HNF1A: variants seen among roughly 807,000 people sequenced by gnomAD.
HNF1A encodes the protein hepatocyte nuclear factor 1-alpha.
HNF1A carries 21 observed loss-of-function variants against 62.2 expected under a neutral mutation model. The ratio of observed to expected loss-of-function variants is 0.34; its 90% confidence interval spans 0.24 to 0.49. The LOEUF is 0.49. Ranked by LOEUF, HNF1A falls within the 20% of genes least tolerant of loss-of-function variation. HNF1A has a pLI of 0.99. For synonymous variants in HNF1A, 374 were observed against 366.8 expected (o/e 1.02, Z -0.22); for missense variants, 687 against 832.3 (o/e 0.83, Z 2.15).
At chr12:120,999,021 T>C (rs1349326245) in intron 7 of HNF1A, among the ~76,000 whole-genome samples, 1 of 152,230 alleles carries the variant, frequency 6.6e-6, no homozygotes, top group Non-Finnish European at 1.5e-5. Context: ...CAAGAGGAGC[T>C]GGAGTTGGTT....
intron 2 of HNF1A, among the ~76,000 whole-genome samples, chr12:120,991,777 A>C (rs1876854450): frequency 6.6e-6 from 1 of 152,236 alleles, no homozygotes; most frequent in South Asian, 2.1e-4. Context: ...ATACTATTTT[A>C]ATTTGTATGA....
chr12:120,999,272 C>T lies in HNF1A; in HGVS notation c.1506C>T (p.Leu502=). 2 of 1,613,988 alleles carry T rather than the reference C, an allele frequency of 1.2e-6. No individual in the cohort carries two copies. The highest frequency in any genetic ancestry group is 1.7e-6 in the Non-Finnish European group (2 of 1,180,016). ...CCCTCTCTCCCCTGCGGCCAGCCCTCTACAGCCACAAGCCCGAGGTGGCCC... is the reference window on the plus strand; with the variant it reads ...CCCTCTCTCCCCTGCGGCCAGCCCTTTACAGCCACAAGCCCGAGGTGGCCC... ...TMAQLQSPHA[L]YSHKPEVAQY... is the part of the protein sequence containing the mutation. The change falls in exon 8 of 10, where the codon CTC becomes CTT. Residue 502 remains leucine (L), a synonymous_variant. Transcript: ENST00000257555.
At chr12:120,982,696 C>G (rs1876316237) in intron 1 of HNF1A, among the ~76,000 whole-genome samples, 2 of 152,130 alleles carry the variant, frequency 1.3e-5, no homozygotes, top group African/African-American at 4.8e-5. Flanking sequence ...TCCCATTTTA[C>G]AGATGAGCAA....
At chr12:120,983,246 G>T (rs1210596227) in intron 1 of HNF1A, among the ~76,000 whole-genome samples, 1 of 152,184 alleles carries the variant, frequency 6.6e-6, no homozygotes, top group Non-Finnish European at 1.5e-5. Flanking sequence ...GGTCTCCAGG[G>T]CTGCATTGTT....
chr12:120,996,984 C>T lies in HNF1A; in HGVS notation c.1309+242C>T, dbSNP rs1877141876. ...AGCATAATACATCAATTCTGTGGTA[C>T]CTCAGAAGGTGAAGGGTCTATGGGC... On this transcript the variant is annotated intron_variant, in intron 6 of 9. Coordinates refer to ENST00000257555, the MANE Select transcript of HNF1A (RefSeq NM_000545.8). The surrounding 1 kb of genome is among the most constrained non-coding windows in gnomAD (Gnocchi z 4.5). The T allele has an allele frequency of 2.7e-6, 4 of 1,509,420 alleles. No individual in the cohort carries two copies. The highest frequency in any genetic ancestry group is 3.6e-6 in the Non-Finnish European group (4 of 1,114,722). 93.5% of individuals were successfully genotyped at this position (1,509,420 alleles called of 1,614,324 possible). A position where few individuals can be genotyped will look rare whatever the true frequency, so the allele number is the denominator to read the frequency against.
rs56368260 is a variant in HNF1A, at chr12:120,990,670, G to A, written c.526+1638G>A. On this transcript the variant is annotated intron_variant, in intron 2 of 9. Transcript: ENST00000257555. ...AGGAAAGGTAGGAAAGGGAGGAAAG[G>A]TAGGAAAGGGAGGAAGGAAGGAAGG... 1.6e-3 allele frequency among the ~76,000 whole-genome samples: 194 copies of A among 117,638 alleles called. 1 individual carries two copies. The South Asian group carries it at 0.018, about 11-fold the overall frequency. 77.2% of individuals were successfully genotyped at this position (117,638 alleles called of 152,430 possible). A position where few individuals can be genotyped will look rare whatever the true frequency, so the allele number is the denominator to read the frequency against.
intron 9 of HNF1A, among the ~76,000 whole-genome samples, chr12:121,000,238 C>T (rs1279598573): frequency 2.0e-5 from 3 of 152,104 alleles, no homozygotes; most frequent in African/African-American, 7.2e-5. Context: ...TGCAAGCTGC[C>T]CCCTTTCTAT....
intron 1 of HNF1A, among the ~76,000 whole-genome samples, chr12:120,983,392 C>T (rs1053544438): frequency 1.3e-5 from 2 of 152,100 alleles, no homozygotes; most frequent in Non-Finnish European, 2.9e-5. Context: ...TGGATTTACC[C>T]CACGTTACAG....
chr12:120,988,973 C>A lies in HNF1A; in HGVS notation c.467C>A (p.Thr156Lys), dbSNP rs150513055. 5.0e-6 allele frequency: 8 copies of A among 1,614,108 alleles called. No homozygotes were observed. Among genetic ancestry groups the A allele is most frequent in the Admixed American group, 1.7e-5 (1 of 60,008 alleles). The part of the protein sequence containing the change: ...QHLNKGTPMK[T>K]QKRAALYTWY... ...CTCAACAAGGGCACTCCCATGAAGA[C>A]GCAGAAGCGGGCCGCCCTGTACACC... Residue 156 changes from threonine (T) to lysine (K), a missense_variant, in exon 2 of 10, where the codon ACG becomes AAG. Thr to Lys is a moderately conservative substitution (Grantham distance 78, BLOSUM62 -1). Coordinates refer to ENST00000257555, the MANE Select transcript of HNF1A (RefSeq NM_000545.8).
intron 7 of HNF1A, 98 bp downstream of exon 7, chr12:120,997,763 A>T: frequency 7.9e-7 from 1 of 1,261,724 alleles, no homozygotes; most frequent in South Asian, 1.3e-5. Flanking sequence ...TGCAGTCTGC[A>T]TGTGTCTCTG....
At position 121,002,380 on chromosome 12, in the gene HNF1A, AG is replaced by A; in HGVS notation, c.*1189del. The A allele has an allele frequency of 2.0e-6, 1 of 509,468 alleles. No individual in the cohort carries two copies. The highest frequency in any genetic ancestry group is 2.6e-5 in the Admixed American group (1 of 38,772). 31.6% of individuals were successfully genotyped at this position (509,468 alleles called of 1,614,324 possible). On this transcript the variant is annotated 3_prime_UTR_variant, in exon 10 of 10. Coordinates refer to ENST00000257555, the MANE Select transcript of HNF1A (RefSeq NM_000545.8). ...GCCTGCTGCTGAGAACCTGGCCTTC[AG>A]TGTACCGCGTCTACCCTGGGATTCA...
intron 1 of HNF1A, 74 bp downstream of exon 1, chr12:120,979,168 T>G: frequency 7.4e-7 from 1 of 1,355,084 alleles, no homozygotes; most frequent in South Asian, 1.2e-5. Flanking sequence ...CGAGCCCCCC[T>G]TCTGAGTTGA....
rs907312892 is a variant in HNF1A, at chr12:120,994,317, C to G, written c.867C>G (p.Pro289=). ...TGGCCATGGACACGTACAGCGGGCC[C>G]CCCCCAGGGCCAGGCCCGGGACCTG... is the stretch of plus-strand genomic sequence containing the variant. ...HKLAMDTYSG[P]PPGPGPGPAL... The change falls in exon 4 of 10, where the codon CCC becomes CCG. Residue 289 remains proline (P), a synonymous_variant. Transcript: ENST00000257555. 2.5e-6 allele frequency: 4 copies of G among 1,610,098 alleles called. No individual in the cohort carries two copies. Among genetic ancestry groups the G allele is most frequent in the South Asian group, 1.1e-5 (1 of 90,522 alleles).
intron 1 of HNF1A, among the ~76,000 whole-genome samples, chr12:120,986,280 C>T (rs150531676): frequency 1.3e-3 from 201 of 152,286 alleles, no homozygotes; most frequent in African/African-American, 4.6e-3. Flanking sequence ...GCTTCCTCAG[C>T]GGGGTTTTTT....
At chr12:120,982,490 C>T (rs578040495) in intron 1 of HNF1A, among the ~76,000 whole-genome samples, 15 of 152,218 alleles carry the variant, frequency 9.9e-5, no homozygotes, top group African/African-American at 3.4e-4. Context: ...CTGACGTCCC[C>T]AACAAAAGCC....
chr12:120,996,971 C>A lies in HNF1A; in HGVS notation c.1309+229C>A, dbSNP rs917553405. The A allele has an allele frequency of 6.7e-7, 1 of 1,499,012 alleles. No homozygotes were observed. Among genetic ancestry groups the A allele is most frequent in the Non-Finnish European group, 9.1e-7 (1 of 1,103,648 alleles). 92.9% of individuals were successfully genotyped at this position (1,499,012 alleles called of 1,614,324 possible). A position where few individuals can be genotyped will look rare whatever the true frequency, so the allele number is the denominator to read the frequency against. ...GAGGCAGGCACTAAGCATAATACAT[C>A]AATTCTGTGGTACCTCAGAAGGTGA... On this transcript the variant is annotated intron_variant, in intron 6 of 9. Coordinates refer to ENST00000257555, the MANE Select transcript of HNF1A (RefSeq NM_000545.8). The surrounding 1 kb of genome is among the most constrained non-coding windows in gnomAD (Gnocchi z 4.5).
intron 1 of HNF1A, among the ~76,000 whole-genome samples, chr12:120,983,833 A>C (rs913650790): frequency 2.0e-5 from 3 of 151,976 alleles, no homozygotes; most frequent in African/African-American, 7.3e-5. Flanking sequence ...GGCATGAGCC[A>C]CCACGCCCAG....
chr12:120,983,434 G>C (rs1280496363), intron 1 of HNF1A, among the ~76,000 whole-genome samples: 1 of 152,152 alleles, frequency 6.6e-6, no homozygotes, highest in Non-Finnish European at 1.5e-5. Context: ...AGCACGCGTG[G>C]CTAGGTCACA....
At position 121,001,476 on chromosome 12, in the gene HNF1A, T is replaced by C; in HGVS notation, c.*284T>C. ...ACTGTCGCTGCTTCGTGGGATACAG[T>C]CTTCTTACTTGGAACTGAAGGGGGC... On this transcript the variant is annotated 3_prime_UTR_variant, in exon 10 of 10. Transcript: ENST00000257555. The C allele has an allele frequency of 2.0e-6, 1 of 488,830 alleles. No individual in the cohort carries two copies. Among genetic ancestry groups the C allele is most frequent in the Non-Finnish European group, 3.8e-6 (1 of 264,608 alleles). 30.3% of individuals were successfully genotyped at this position (488,830 alleles called of 1,614,324 possible). A position where few individuals can be genotyped will look rare whatever the true frequency, so the allele number is the denominator to read the frequency against.
Sources: gnomAD v4.1 joint callset for allele counts (sites outside exome capture counted in the v4.1 genomes callset) on GRCh38, gnomAD v4.1.1 for gene constraint, Gnocchi (gnomAD v3.1) non-coding constraint, MANE v1.5 for transcripts, NCBI Gene and HGNC (gene_info 2026-07-23, HGNC 2026-07-21) for gene names.